Variants in PALM2AKAP2 observed in about 807,000 individuals in gnomAD.
PALM2AKAP2 encodes PALM2-AKAP2 fusion protein.
In PALM2AKAP2, 37 loss-of-function variants were observed where a neutral mutation model predicts 71.5. That is an observed-to-expected ratio of 0.52 (90% CI 0.40 to 0.68). PALM2AKAP2 has a LOEUF of 0.68. Ranked by LOEUF, PALM2AKAP2 falls within the 30% of genes least tolerant of loss-of-function variation. The pLI is 0.00. For synonymous variants in PALM2AKAP2, 468 were observed against 478.8 expected, an observed-to-expected ratio of 0.98 and a Z score of 0.29; for missense variants, 1,224 against 1,191.8, an observed-to-expected ratio of 1.03 and a Z score of -0.40.
intron 1 of PALM2AKAP2, among the ~76,000 whole-genome samples, chr9:110,100,333 A>G: frequency 6.6e-6 from 1 of 152,100 alleles, no homozygotes. Context: ...GGAAGCTGAT[A>G]TCTGTCTACA....
chr9:110,049,745 G>T (rs1833673437), intron 1 of PALM2AKAP2, among the ~76,000 whole-genome samples: 1 of 152,204 alleles, frequency 6.6e-6, no homozygotes, highest in Non-Finnish European at 1.5e-5. Context: ...AAATCCCAGA[G>T]AAACGGAGTG....
intron 1 of PALM2AKAP2, among the ~76,000 whole-genome samples, chr9:109,736,463 G>A (rs1828636875): frequency 6.6e-6 from 1 of 152,156 alleles, no homozygotes; most frequent in African/African-American, 2.4e-5. Flanking sequence ...CCAAACAATA[G>A]TCTAAGCAAG....
At chr9:109,867,164 CTGTGTGTG>C (rs56194780) in intron 1 of PALM2AKAP2, 48,742 of 397,280 alleles carry the variant, frequency 0.12, 2,046 homozygotes, top group African/African-American at 0.23. Context: ...ACATGGTTCT[CTGTGTGTG>C]TGTGTGTGTG....
chr9:109,842,733 G>T (rs561579506), intron 1 of PALM2AKAP2, among the ~76,000 whole-genome samples: 1 of 152,248 alleles, frequency 6.6e-6, no homozygotes, highest in Admixed American at 6.5e-5. Flanking sequence ...AAATTATCAA[G>T]GTCAGGTGCA....
intron 6 of PALM2AKAP2, among the ~76,000 whole-genome samples, chr9:109,975,321 C>A (rs1412710229): frequency 1.3e-5 from 2 of 152,142 alleles, no homozygotes. Flanking sequence ...GGTCCAAGAA[C>A]CAGGGGCACC....
At chr9:109,789,702 G>A (rs1466904943) in intron 1 of PALM2AKAP2, among the ~76,000 whole-genome samples, 2 of 152,204 alleles carry the variant, frequency 1.3e-5, no homozygotes, top group African/African-American at 2.4e-5. Context: ...AGGAAAGGTT[G>A]CTCATAAGTG....
intron 1 of PALM2AKAP2, among the ~76,000 whole-genome samples, chr9:109,800,692 T>C (rs1176164077): frequency 6.6e-6 from 1 of 152,254 alleles, no homozygotes; most frequent in East Asian, 1.9e-4. Flanking sequence ...TAGCTTTATC[T>C]TTCTCTGTAT....
At chr9:109,776,818 C>T (rs1829354921), upstream of PALM2AKAP2, among the ~76,000 whole-genome samples, 1 of 152,230 alleles carries the variant, frequency 6.6e-6, no homozygotes, top group African/African-American at 2.4e-5. Flanking sequence ...TTTTGTCTTA[C>T]CTGCTTTGAT....
rs79347332 is a variant in PALM2AKAP2 at position 109,802,577 on chromosome 9, T to C, written c.45+22044T>C. Among the ~76,000 whole-genome samples, 203 of 152,338 alleles carry C rather than the reference T, an allele frequency of 1.3e-3. 3 individuals are homozygous for C. The East Asian group carries it at 0.034, about 25-fold the overall frequency. ...CAGTGGACAGCTTTCCTCCATGTGG[T>C]TTCTACTATTTCTGACTCTGCTATC... On this transcript the variant is annotated intron_variant, in intron 1 of 9. Transcript: ENST00000302798.
intron 2 of PALM2AKAP2, among the ~76,000 whole-genome samples, chr9:110,139,847 T>C (rs979342837): frequency 6.6e-6 from 1 of 152,194 alleles, no homozygotes; most frequent in African/African-American, 2.4e-5. Flanking sequence ...TGTGGGTCTC[T>C]GATGTTTTCA....
chr9:110,034,104 C>T (rs1420987870), intron 7 of PALM2AKAP2, among the ~76,000 whole-genome samples: 1 of 152,184 alleles, frequency 6.6e-6, no homozygotes, highest in Non-Finnish European at 1.5e-5. Context: ...AGTGCCAGGG[C>T]ACCTCTTGCC....
At chr9:110,015,981 A>G in exon 7 of PALM2AKAP2, 1 of 1,614,086 alleles carries the variant, frequency 6.2e-7, no homozygotes. Flanking sequence ...GTGCTGCTAA[A>G]GGAAGGTGAG....
intron 1 of PALM2AKAP2, among the ~76,000 whole-genome samples, chr9:109,866,467 C>G (rs1040734554): frequency 2.6e-5 from 4 of 152,096 alleles, no homozygotes; most frequent in Admixed American, 2.6e-4. Flanking sequence ...TTTCTGTTCT[C>G]ATGAATCACA....
intron 1 of PALM2AKAP2, among the ~76,000 whole-genome samples, chr9:109,701,264 A>G (rs1398201622): frequency 3.9e-5 from 6 of 152,220 alleles, no homozygotes; most frequent in African/African-American, 1.4e-4. Flanking sequence ...ATATGGAACC[A>G]AAAAAGAGCC....
chr9:110,034,215 C>T (rs1178078522), intron 7 of PALM2AKAP2, among the ~76,000 whole-genome samples: 7 of 151,336 alleles, frequency 4.6e-5, no homozygotes, highest in Non-Finnish European at 7.4e-5. Flanking sequence ...TGGAGTGCAA[C>T]GGCGTGATCT....
rs2131759729 is a variant in PALM2AKAP2, at chr9:109,880,718, T to G, written c.257+37T>G. 2.5e-6 allele frequency: 4 copies of G among 1,609,620 alleles called. No homozygotes were observed. In the East Asian group the frequency reaches 6.7e-5, roughly 27 times the overall value. On this transcript the variant is annotated intron_variant, in intron 3 of 9. Transcript: ENST00000302798. Reference sequence around the variant, plus strand: ...CCAGCCCAGGGAACCCATGCTACAGTTTTTCAGTGCAGTAACCACTGCTCT... The same window carrying G: ...CCAGCCCAGGGAACCCATGCTACAGGTTTTCAGTGCAGTAACCACTGCTCT...
At chr9:109,694,439 A>G (rs564663133) in intron 1 of PALM2AKAP2, among the ~76,000 whole-genome samples, 1 of 152,218 alleles carries the variant, frequency 6.6e-6, no homozygotes, top group East Asian at 1.9e-4. Context: ...AACAACCACT[A>G]TAAAATGTAA....
At chr9:110,023,591 G>A (rs1005904375) in intron 7 of PALM2AKAP2, among the ~76,000 whole-genome samples, 4 of 151,912 alleles carry the variant, frequency 2.6e-5, no homozygotes, top group Non-Finnish European at 5.9e-5. Context: ...TGGGATTACA[G>A]GCGTGAGCCA....
At chr9:110,169,998 A>G (rs1307360651) in exon 4 of PALM2AKAP2, 3 of 152,666 alleles carry the variant, frequency 2.0e-5, no homozygotes, top group Admixed American at 6.5e-5. Context: ...AGGTATTTGC[A>G]TGAGTCACAA....
Sources: allele counts gnomAD v4.1 joint callset (sites outside exome capture counted in the v4.1 genomes callset), GRCh38; gene constraint gnomAD v4.1.1; transcripts MANE v1.5; gene names NCBI Gene and HGNC (gene_info 2026-07-23, HGNC 2026-07-21).